The following THNSL1 variants were observed in gnomAD, a reference collection of about 807,000 sequenced individuals.
THNSL1 encodes threonine synthase-like 1.
A neutral mutation model predicts 50.4 loss-of-function variants in THNSL1; 48 were observed. The ratio of observed to expected loss-of-function variants is 0.95; its 90% CI spans 0.76 to 1.21. The LOEUF (loss-of-function observed/expected upper bound fraction) is 1.21, where lower values mean the gene tolerates loss of function less well. Among genes scored for constraint, THNSL1 ranks in the 50% most tolerant of loss-of-function variants. THNSL1 has a pLI of 0.00. For synonymous variants in THNSL1, 309 were observed against 306.1 expected (o/e 1.01, Z -0.10); for missense variants, 896 against 871.7 (o/e 1.03, Z -0.35).
chr10:25,008,782 T>C, the THNSL1 span, among the ~76,000 whole-genome samples: 2 of 151,794 alleles, frequency 1.3e-5, no homozygotes, highest in African/African-American at 2.4e-5. Flanking sequence ...CCATAAATCA[T>C]GCTGCTATAA....
chr10:25,012,746 T>G (rs183565362), upstream of THNSL1, among the ~76,000 whole-genome samples: 367 of 152,320 alleles, frequency 2.4e-3, 4 homozygotes, highest in African/African-American at 7.6e-3. Context: ...AGAAGGGACT[T>G]GCCTGGTCTC....
At chr10:25,013,233 G>A (rs111437747), upstream of THNSL1, among the ~76,000 whole-genome samples, 4,425 of 152,242 alleles carry the variant, frequency 0.029, 145 homozygotes, top group African/African-American at 0.079. Flanking sequence ...TATTAGCAGC[G>A]TGAGAACAGA....
the THNSL1 span, chr10:24,984,595 C>A: frequency 1.9e-6 from 2 of 1,041,328 alleles, no homozygotes; most frequent in South Asian, 1.8e-5. Flanking sequence ...TTATTCTTTG[C>A]ATATTGCCTA....
chr10:24,984,973 A>C, the THNSL1 span: 3 of 1,201,608 alleles, frequency 2.5e-6, no homozygotes, highest in Non-Finnish European at 3.6e-6. Flanking sequence ...GGGAAAAGCT[A>C]ATTGGTAATG....
At chr10:25,004,293 A>G in the THNSL1 span, among the ~76,000 whole-genome samples, 2 of 152,184 alleles carry the variant, frequency 1.3e-5, no homozygotes, top group Admixed American at 6.5e-5. Context: ...GTATATATCC[A>G]GTTATGGGAT....
the THNSL1 span, among the ~76,000 whole-genome samples, chr10:24,988,962 A>G: frequency 0.022 from 3,279 of 151,800 alleles, 120 homozygotes; most frequent in African/African-American, 0.076. Flanking sequence ...CTGGCTCATA[A>G]GGCGTCCAGT....
chr10:24,973,609 GA>G, the THNSL1 span, among the ~76,000 whole-genome samples: 1 of 151,778 alleles, frequency 6.6e-6, no homozygotes, highest in South Asian at 2.1e-4. Flanking sequence ...GAGAATACAT[GA>G]AAAAAATTAT....
rs911651417 is a variant in THNSL1, at chr10:25,017,866, A to G, written c.-216+1174A>G. 2.6e-5 allele frequency among the ~76,000 whole-genome samples: 4 copies of G among 152,298 alleles called. No homozygotes were observed. In the South Asian group the frequency reaches 8.3e-4, roughly 32 times the overall value. ...AAAAATTTGGCGGGAAACCTCCTGT[A>G]TGTACGAAGATTCGAACCAAGGACT... On this transcript the variant is annotated intron_variant, in intron 1 of 2. Coordinates refer to ENST00000376356, the MANE Select transcript of THNSL1 (RefSeq NM_024838.5).
chr10:24,995,850 G>A, the THNSL1 span: 231 of 1,603,808 alleles, frequency 1.4e-4, no homozygotes, highest in East Asian at 3.6e-4. Flanking sequence ...TTTTGGGCAC[G>A]TTCCGATCAA....
At chr10:24,970,788 C>T in the THNSL1 span, among the ~76,000 whole-genome samples, 11 of 151,780 alleles carry the variant, frequency 7.2e-5, no homozygotes, top group African/African-American at 2.7e-4. Flanking sequence ...CTTTGGGAGG[C>T]TTAGGCAGGA....
chr10:25,016,226 C>T (rs79057317), upstream of THNSL1: 1,284 of 1,087,500 alleles, frequency 1.2e-3, 12 homozygotes, highest in African/African-American at 0.018. Context: ...CTAGGTCTCC[C>T]CTCTTCCCTC....
At chr10:24,983,355 G>C in the THNSL1 span, 3 of 152,112 alleles carry the variant, frequency 2.0e-5, no homozygotes, top group African/African-American at 7.2e-5. Context: ...TGTAAGTCTG[G>C]GTCCCTGAGT....
chr10:25,023,955 G>T lies in THNSL1; in HGVS notation c.732G>T (p.Gln244His), dbSNP rs746994002. ...TRHVWPEDCEQKVSAKFFSEA... is the reference protein window; with the variant it reads ...TRHVWPEDCEHKVSAKFFSEA... Reference sequence around the variant, plus strand: ...ACGTTTGGCCTGAAGACTGTGAACAGAAGGTTTCAGCAAAATTCTTTAGTG... The same window carrying T: ...ACGTTTGGCCTGAAGACTGTGAACATAAGGTTTCAGCAAAATTCTTTAGTG... The change falls in exon 3 of 3, where the codon CAG becomes CAT. Residue 244 changes from glutamine (Q) to histidine (H), a missense_variant. Gln to His is a conservative substitution (Grantham distance 24). Transcript: ENST00000376356. 1.9e-6 allele frequency: 3 copies of T among 1,614,212 alleles called. No homozygotes were observed. In the South Asian group the frequency reaches 3.3e-5, roughly 18 times the overall value.
At chr10:24,992,435 A>G in the THNSL1 span, among the ~76,000 whole-genome samples, 1 of 152,218 alleles carries the variant, frequency 6.6e-6, no homozygotes, top group Non-Finnish European at 1.5e-5. Context: ...CCTTCTAGAC[A>G]CTTGGTAGGA....
Position 25,024,488 on chromosome 10 carries a change from GCAGT to G in THNSL1, c.1269_1272del (p.Ser423ArgfsTer21). On this transcript the variant is annotated frameshift_variant, in exon 3 of 3. Transcript: ENST00000376356. LOFTEE classifies it high-confidence loss of function. ...GATTTTCAAAAAGCACAAATAATTG[GCAGT>G]CAGAGAGAAAATGGATGGGCAGTGG... 2 of 1,614,150 alleles carry G rather than the reference GCAGT, an allele frequency of 1.2e-6. No individual in the cohort carries two copies. The highest frequency in any genetic ancestry group is 1.7e-6 in the Non-Finnish European group (2 of 1,180,018).
chr10:25,002,588 A>AT, the THNSL1 span, among the ~76,000 whole-genome samples: 3 of 151,624 alleles, frequency 2.0e-5, no homozygotes, highest in Non-Finnish European at 4.4e-5. Flanking sequence ...TGTTTCATAT[A>AT]TTTTTTTTCT....
chr10:24,962,761 G>C, the THNSL1 span, among the ~76,000 whole-genome samples: 1 of 152,118 alleles, frequency 6.6e-6, no homozygotes, highest in Non-Finnish European at 1.5e-5. Flanking sequence ...ATTCTCTTCT[G>C]CGTCTTAGCT....
At chr10:24,989,829 G>C in the THNSL1 span, among the ~76,000 whole-genome samples, 1 of 152,052 alleles carries the variant, frequency 6.6e-6, no homozygotes, top group South Asian at 2.1e-4. Flanking sequence ...ACTATAAAAA[G>C]TACAAAGAGG....
At chr10:24,967,994 GA>G in the THNSL1 span, among the ~76,000 whole-genome samples, 3 of 126,316 alleles carry the variant, frequency 2.4e-5, no homozygotes, top group African/African-American at 1.0e-4. Context: ...ATATGTGTAT[GA>G]TGTGTGTGTG....
Sources: allele counts gnomAD v4.1 joint callset (sites outside exome capture counted in the v4.1 genomes callset), GRCh38; gene constraint gnomAD v4.1.1; transcripts MANE v1.5; gene names NCBI Gene and HGNC (gene_info 2026-07-23, HGNC 2026-07-21).